The following MC2R variants were observed in gnomAD, a reference collection of about 807,000 sequenced individuals.
The protein encoded by MC2R is melanocortin 2 receptor.
Under a neutral mutation model 9.8 loss-of-function variants are expected in MC2R, and 9 were observed. The ratio of observed to expected loss-of-function variants is 0.92; its 90% CI spans 0.55 to 1.60. The LOEUF (loss-of-function observed/expected upper bound fraction) is 1.60, where lower values mean the gene tolerates loss of function less well. MC2R is among the 40% of genes most tolerant of loss of function. The probability of loss-of-function intolerance (pLI) is 0.00; values close to 1 mark genes in which losing one functional copy is unlikely to be tolerated. For missense variants in MC2R, 370 were observed against 389.0 expected (o/e 0.95, Z 0.41); for synonymous variants, 185 against 154.7 (o/e 1.20, Z -1.45).
rs749293883 is a variant in MC2R at position 13,885,010 on chromosome 18, T to C, written c.509A>G (p.His170Arg). ...GTGITMVIFS[H>R]HVPTVITFTS... is the part of the protein sequence containing the mutation. ...GAAGGTGATCACTGTGGGCACATGA[T>C]GGGAGAAGATCACCATGGTGATGCC... Residue 170 changes from histidine (H) to arginine (R), a missense_variant, in exon 2 of 2, where the codon CAT (histidine) becomes CGT (arginine). Transcript: ENST00000327606. 3 of 1,614,136 alleles carry C rather than the reference T, an allele frequency of 1.9e-6. No individual in the cohort carries two copies. Among genetic ancestry groups the C allele is most frequent in the Non-Finnish European group, 2.5e-6 (3 of 1,180,030 alleles).
chr18:13,884,515 C>T lies in MC2R; in HGVS notation c.*110G>A. The stretch of plus-strand genomic sequence containing the variant: ...TAGCTGGTGGGATCATCCTTGCATC[C>T]ATTAGGGAAGGAAGGCCAGTGAGGA... On this transcript the variant is annotated 3_prime_UTR_variant, in exon 2 of 2. Transcript: ENST00000327606. 1 of 1,207,302 alleles carries T rather than the reference C, an allele frequency of 8.3e-7. No homozygotes were observed. Among genetic ancestry groups the T allele is most frequent in the Non-Finnish European group, 1.2e-6 (1 of 825,830 alleles). 74.8% of individuals were successfully genotyped at this position (1,207,302 alleles called of 1,614,324 possible). A position where few individuals can be genotyped will look rare whatever the true frequency, so the allele number is the denominator to read the frequency against.
chr18:13,914,887 T>C (rs912108838), intron 1 of MC2R, among the ~76,000 whole-genome samples: 2 of 152,180 alleles, frequency 1.3e-5, no homozygotes, highest in African/African-American at 4.8e-5. Flanking sequence ...ATCAGTATGC[T>C]TTTAGTTATT....
At chr18:13,899,547 G>A (rs2045366445) in intron 1 of MC2R, among the ~76,000 whole-genome samples, 1 of 152,080 alleles carries the variant, frequency 6.6e-6, no homozygotes, top group South Asian at 2.1e-4. Flanking sequence ...ACCCAAATAA[G>A]ACTACCTCAA....
rs138824441 is a variant in MC2R, at chr18:13,882,739, C to T, written c.*1886G>A. ...TCTTATTGAGAATACGCACTTTAAT[C>T]ACATAAAATATGTTATACATTACTT... On this transcript the variant is annotated 3_prime_UTR_variant, in exon 2 of 2. Coordinates refer to ENST00000327606, the MANE Select transcript of MC2R (RefSeq NM_000529.2). 28 of 152,320 alleles carry T rather than the reference C, an allele frequency of 1.8e-4. No homozygotes were observed. Among genetic ancestry groups the T allele is most frequent in the African/African-American group, 6.5e-4 (27 of 41,584 alleles). The allele number at this position is 152,320 out of a possible 1,614,324, so 9.4% of individuals were successfully genotyped here.
intron 1 of MC2R, among the ~76,000 whole-genome samples, chr18:13,906,160 C>G (rs1194824957): frequency 6.6e-6 from 1 of 152,172 alleles, no homozygotes; most frequent in Non-Finnish European, 1.5e-5. Context: ...TTTACAATAG[C>G]AAAGACATGG....
intron 1 of MC2R, among the ~76,000 whole-genome samples, chr18:13,905,786 G>C (rs371016884): frequency 6.6e-6 from 1 of 152,274 alleles, no homozygotes; most frequent in East Asian, 1.9e-4. Context: ...GGCCAGGTGC[G>C]ATGGTTCACG....
chr18:13,888,722 C>T (rs758873148), intron 1 of MC2R, among the ~76,000 whole-genome samples: 2 of 152,212 alleles, frequency 1.3e-5, no homozygotes, highest in Non-Finnish European at 2.9e-5. Flanking sequence ...TGCTGCATTG[C>T]TATGCTCCTG....
At chr18:13,901,826 C>T (rs1399994882) in intron 1 of MC2R, among the ~76,000 whole-genome samples, 1 of 152,132 alleles carries the variant, frequency 6.6e-6, no homozygotes, top group African/African-American at 2.4e-5. Flanking sequence ...AGTACCAATC[C>T]TACTCAAACT....
At position 13,884,448 on chromosome 18, in the gene MC2R, T is replaced by C. The variant is rs946620615; in HGVS notation, c.*177A>G. Reference sequence around the variant, plus strand: ...AGTCACAAAGTTAAGAGGTTGCCCCTACAATAAGACTGTTCACATAGAACC... The same window carrying C: ...AGTCACAAAGTTAAGAGGTTGCCCCCACAATAAGACTGTTCACATAGAACC... On this transcript the variant is annotated 3_prime_UTR_variant, in exon 2 of 2. Coordinates refer to ENST00000327606, the MANE Select transcript of MC2R (RefSeq NM_000529.2). The C allele has an allele frequency of 1.9e-5, 13 of 697,066 alleles. No homozygotes were observed. The highest frequency in any genetic ancestry group is 2.5e-5 in the Non-Finnish European group (10 of 397,420). The allele number at this position is 697,066 out of a possible 1,614,324, so 43.2% of individuals were successfully genotyped here.
chr18:13,888,512 C>T (rs2045292042), intron 1 of MC2R, among the ~76,000 whole-genome samples: 1 of 152,334 alleles, frequency 6.6e-6, no homozygotes, highest in Admixed American at 6.5e-5. Flanking sequence ...CGCCCAAAGC[C>T]ACAGTCTGGA....
intron 1 of MC2R, among the ~76,000 whole-genome samples, chr18:13,913,314 C>G (rs2045457348): frequency 6.6e-6 from 1 of 152,194 alleles, no homozygotes; most frequent in African/African-American, 2.4e-5. Flanking sequence ...CTCCACGGTG[C>G]CTTCCTGCCA....
chr18:13,888,976 C>G (rs1425714648), intron 1 of MC2R, among the ~76,000 whole-genome samples: 1 of 152,240 alleles, frequency 6.6e-6, no homozygotes, highest in Non-Finnish European at 1.5e-5. Context: ...GATTTCTTCA[C>G]TGCAAACAAC....
chr18:13,886,371 C>T (rs974073827), intron 1 of MC2R, among the ~76,000 whole-genome samples: 1 of 152,236 alleles, frequency 6.6e-6, no homozygotes, highest in East Asian at 1.9e-4. Context: ...CCATCCTTCT[C>T]GTGAACACAC....
intron 1 of MC2R, among the ~76,000 whole-genome samples, chr18:13,905,933 G>T (rs1367874497): frequency 2.0e-5 from 3 of 152,138 alleles, no homozygotes; most frequent in Non-Finnish European, 2.9e-5. Context: ...ACGCACACCT[G>T]TAGTCCCAGC....
At chr18:13,900,744 A>G (rs2045374375) in intron 1 of MC2R, among the ~76,000 whole-genome samples, 1 of 152,162 alleles carries the variant, frequency 6.6e-6, no homozygotes, top group Non-Finnish European at 1.5e-5. Context: ...ACCTAGCTAT[A>G]TAAAGCAAAT....
At chr18:13,910,675 C>T (rs2045439255) in intron 1 of MC2R, among the ~76,000 whole-genome samples, 2 of 152,210 alleles carry the variant, frequency 1.3e-5, no homozygotes, top group Non-Finnish European at 2.9e-5. Flanking sequence ...GGTTCCCTGA[C>T]CAGGGGCTGC....
intron 1 of MC2R, among the ~76,000 whole-genome samples, chr18:13,908,943 C>A (rs2045429383): frequency 6.6e-6 from 1 of 152,160 alleles, no homozygotes; most frequent in Non-Finnish European, 1.5e-5. Context: ...AACATCTTAC[C>A]TGAGTATGGT....
In MC2R at chr18:13,884,736, G is replaced by A. The variant is rs367600888; in HGVS notation, c.783C>T (p.Asn261=). The change falls in exon 2 of 2, where the codon AAC becomes AAT. Residue 261 remains asparagine (N), a synonymous_variant. Transcript: ENST00000327606. ...CACYMSLFQV[N]GMLIMCNAVI... ...CGGCATTGCACATGATCAACATGCCGTTCACCTGGAAGAGAGACATGTAGC... is the reference window on the plus strand; with the variant it reads ...CGGCATTGCACATGATCAACATGCCATTCACCTGGAAGAGAGACATGTAGC... 97 of 1,613,992 alleles carry A rather than the reference G, an allele frequency of 6.0e-5. No individual in the cohort carries two copies. Among genetic ancestry groups the A allele is most frequent in the Admixed American group, 1.8e-4 (11 of 60,004 alleles).
At chr18:13,899,841 C>G (rs1460074399) in intron 1 of MC2R, among the ~76,000 whole-genome samples, 1 of 152,028 alleles carries the variant, frequency 6.6e-6, no homozygotes, top group African/African-American at 2.4e-5. Context: ...TAGAACTGTT[C>G]TACAAGAAAT....
Sources: allele counts gnomAD v4.1 joint callset (sites outside exome capture counted in the v4.1 genomes callset), GRCh38; gene constraint gnomAD v4.1.1; transcripts MANE v1.5; gene names NCBI Gene and HGNC (gene_info 2026-07-23, HGNC 2026-07-21).